The following OR52N4 variants were observed in gnomAD, a reference collection of about 807,000 sequenced individuals.
OR52N4 encodes olfactory receptor family 52 subfamily N member 4.
Under a neutral mutation model 15.0 loss-of-function variants are expected in OR52N4, and 15 were observed. The observed-to-expected ratio is 1.00, with a 90% confidence interval of 0.67 to 1.54. The LOEUF (loss-of-function observed/expected upper bound fraction) is 1.54, where lower values mean the gene tolerates loss of function less well. OR52N4 is among the 40% of genes most tolerant of loss of function. The pLI is 0.00. For synonymous variants in OR52N4, 143 were observed against 143.7 expected (o/e 1.00, Z 0.03); for missense variants, 421 against 394.0 (o/e 1.07, Z -0.58).
At chr11:5,736,641 T>A in the OR52N4 span, 1 of 1,614,048 alleles carries the variant, frequency 6.2e-7, no homozygotes, top group Non-Finnish European at 8.5e-7. Context: ...CCCCTGGCAC[T>A]ACTGTATCTC....
the OR52N4 span, among the ~76,000 whole-genome samples, chr11:5,729,907 C>T: frequency 6.6e-6 from 1 of 152,090 alleles, no homozygotes; most frequent in South Asian, 2.1e-4. Flanking sequence ...TCTTTTTCCT[C>T]TCAAGAAAGC....
chr11:5,751,552 G>A (rs1266258072), upstream of OR52N4, among the ~76,000 whole-genome samples: 7 of 151,870 alleles, frequency 4.6e-5, no homozygotes, highest in Non-Finnish European at 7.4e-5. Context: ...GGTAAAAACC[G>A]CAATTATGTT....
chr11:5,743,675 T>A, the OR52N4 span, among the ~76,000 whole-genome samples: 1 of 152,154 alleles, frequency 6.6e-6, no homozygotes, highest in Non-Finnish European at 1.5e-5. Context: ...TTTTTAAACA[T>A]TGAAACACAT....
intron 1 of OR52N4, 85 bp from the exon 2 acceptor site, chr11:5,754,608 T>C: frequency 1.1e-6 from 1 of 918,812 alleles, no homozygotes; most frequent in South Asian, 2.1e-5. Context: ...ACCATTAAAA[T>C]GCATTATGGA....
chr11:5,754,796 T>C lies in OR52N4; in HGVS notation c.56T>C (p.Val19Ala), dbSNP rs1445243406. The change falls in exon 2 of 2, where the codon GTC becomes GCC. Residue 19 changes from valine to alanine, a missense_variant. Val to Ala is a moderately conservative substitution (Grantham distance 64). Transcript: ENST00000641350. ...CCAGCTTCATTTATTCTGAATGGAGTCCCAGGACTGGAAGACACACAACTC... is the reference window on the plus strand; with the variant it reads ...CCAGCTTCATTTATTCTGAATGGAGCCCCAGGACTGGAAGACACACAACTC... ...LIPASFILNG[V>A]PGLEDTQLWI... is the part of the protein sequence containing the mutation. The C allele has an allele frequency of 2.5e-6, 4 of 1,613,308 alleles. No individual in the cohort carries two copies. In the South Asian group the frequency reaches 3.3e-5, roughly 13 times the overall value.
chr11:5,749,532 A>T (rs569985017), upstream of OR52N4, among the ~76,000 whole-genome samples: 24 of 152,084 alleles, frequency 1.6e-4, no homozygotes, highest in Non-Finnish European at 3.2e-4. Flanking sequence ...CCCCACAATA[A>T]GGAGAAATGA....
chr11:5,745,052 T>C, the OR52N4 span, among the ~76,000 whole-genome samples: 1 of 137,684 alleles, frequency 7.3e-6, no homozygotes, highest in South Asian at 2.4e-4. Context: ...ACTTAAAAAA[T>C]AGTAAAAGCC....
chr11:5,753,339 A>T (rs143429553), upstream of OR52N4, among the ~76,000 whole-genome samples: 238 of 152,272 alleles, frequency 1.6e-3, no homozygotes, highest in African/African-American at 5.4e-3. Context: ...TACCAAAAAA[A>T]GGTGCTTTGT....
At chr11:5,748,209 T>C in the OR52N4 span, among the ~76,000 whole-genome samples, 4 of 152,046 alleles carry the variant, frequency 2.6e-5, no homozygotes, top group Admixed American at 6.5e-5. Flanking sequence ...TTAAAACATA[T>C]ATAGTTAATG....
the OR52N4 span, among the ~76,000 whole-genome samples, chr11:5,745,165 C>T: frequency 2.0e-5 from 3 of 152,102 alleles, no homozygotes; most frequent in African/African-American, 4.8e-5. Context: ...TTCACCACTC[C>T]TATTCAACAT....
the OR52N4 span, among the ~76,000 whole-genome samples, chr11:5,730,869 G>C: frequency 4.6e-5 from 7 of 151,234 alleles, no homozygotes; most frequent in African/African-American, 7.3e-5. Flanking sequence ...TTGCCTTTTT[G>C]TTTCTTTCAA....
the OR52N4 span, among the ~76,000 whole-genome samples, chr11:5,742,390 T>C: frequency 6.6e-6 from 1 of 152,096 alleles, no homozygotes; most frequent in South Asian, 2.1e-4. Flanking sequence ...AAAAATACTT[T>C]GCAAGATGAA....
the OR52N4 span, chr11:5,736,442 T>C: frequency 7.8e-7 from 1 of 1,289,874 alleles, no homozygotes; most frequent in Non-Finnish European, 1.1e-6. Context: ...AATACTACAA[T>C]TTTATTTCTG....
the OR52N4 span, among the ~76,000 whole-genome samples, chr11:5,748,014 T>A: frequency 6.6e-6 from 1 of 151,854 alleles, no homozygotes; most frequent in Non-Finnish European, 1.5e-5. Flanking sequence ...TTCATACCCA[T>A]GTTCATTTAT....
chr11:5,754,168 C>G (rs1051920253), upstream of OR52N4: 1 of 151,700 alleles, frequency 6.6e-6, no homozygotes, highest in African/African-American at 2.4e-5. Flanking sequence ...TTTGAGACCC[C>G]AAGCTTCATT....
rs766453900 is a variant in OR52N4, at chr11:5,755,125, T to C, written c.385T>C (p.Cys129Arg). The change falls in exon 2 of 2, where the codon TGC (cysteine) becomes CGC (arginine). Residue 129 changes from cysteine to arginine, a missense_variant. Coordinates refer to ENST00000641350, the MANE Select transcript of OR52N4 (RefSeq NM_001005175.5). ...LMALDRYVAI[C>R]YPLRYSTILT... The stretch of plus-strand genomic sequence containing the variant: ...GGCCCTGGATCGCTATGTGGCCATC[T>C]GCTACCCCTTACGCTATTCAACTAT... 3.1e-6 allele frequency: 5 copies of C among 1,614,104 alleles called. No individual in the cohort carries two copies. In the South Asian group the frequency reaches 5.5e-5, roughly 18 times the overall value.
At chr11:5,752,004 G>A (rs1387314692), upstream of OR52N4, among the ~76,000 whole-genome samples, 1 of 151,952 alleles carries the variant, frequency 6.6e-6, no homozygotes, top group Non-Finnish European at 1.5e-5. Context: ...GAGGGGAGTG[G>A]GCAAAGGGAG....
rs776318616 is a variant in OR52N4 at position 5,755,583 on chromosome 11, T to C, written c.843T>C (p.Asn281=). 3.7e-5 allele frequency: 59 copies of C among 1,613,782 alleles called. No homozygotes were observed. In the Admixed American group the frequency reaches 9.5e-4, roughly 26 times the overall value. The change falls in exon 2 of 2, where the codon AAT becomes AAC. Residue 281 remains asparagine (N), a synonymous_variant. Coordinates refer to ENST00000641350, the MANE Select transcript of OR52N4 (RefSeq NM_001005175.5). ...CTTCTTGCCACATCATTGTAGCCAA[T>C]ATTTATCTGCTCCTACCACCCACTA... is the stretch of plus-strand genomic sequence containing the variant. ...IPPSCHIIVA[N]IYLLLPPTMN...
the OR52N4 span, among the ~76,000 whole-genome samples, chr11:5,731,705 A>T: frequency 1.3e-5 from 2 of 152,120 alleles, no homozygotes; most frequent in Non-Finnish European, 2.9e-5. Context: ...GGTCCCTGCC[A>T]TGTGAGCCAT....
Sources: allele counts gnomAD v4.1 joint callset (sites outside exome capture counted in the v4.1 genomes callset), GRCh38; gene constraint gnomAD v4.1.1; transcripts MANE v1.5; gene names NCBI Gene and HGNC (gene_info 2026-07-23, HGNC 2026-07-21).